FITM2: variants seen among roughly 807,000 people sequenced by gnomAD.
FITM2 encodes acyl-coenzyme A diphosphatase FITM2.
In FITM2, 16 loss-of-function variants were observed where a neutral mutation model predicts 23.3. The observed-to-expected ratio is 0.69, with a 90% CI of 0.47 to 1.05. The LOEUF (loss-of-function observed/expected upper bound fraction) is 1.05, where lower values mean the gene tolerates loss of function less well. FITM2 is among the 50% of genes least tolerant of loss of function. The pLI is 0.00. For synonymous variants in FITM2, 132 were observed against 142.0 expected (o/e 0.93, Z 0.50); for missense variants, 273 against 327.5 (o/e 0.83, Z 1.29).
chr20:44,306,433 G>T lies in FITM2; in HGVS notation c.*192C>A, dbSNP rs975444903. On this transcript the variant is annotated 3_prime_UTR_variant, in exon 2 of 2. Transcript: ENST00000396825. The stretch of plus-strand genomic sequence containing the variant: ...TGCCTAACTGGGAATGGTGGTGCTT[G>T]CAACACTGGTGATGTCGCCAAGAAT... 3 of 653,264 alleles carry T rather than the reference G, an allele frequency of 4.6e-6. No homozygotes were observed. Among genetic ancestry groups the T allele is most frequent in the Non-Finnish European group, 7.4e-6 (3 of 405,106 alleles). 40.5% of individuals were successfully genotyped at this position (653,264 alleles called of 1,614,324 possible). A position where few individuals can be genotyped will look rare whatever the true frequency, so the allele number is the denominator to read the frequency against.
In FITM2 at chr20:44,311,126, T is replaced by C; in HGVS notation, c.23A>G (p.Glu8Gly). Residue 8 changes from glutamate to glycine, a missense_variant, in exon 1 of 2, where the codon GAG (glutamate) becomes GGG (glycine). Glu to Gly is a moderately conservative substitution (Grantham distance 98). Around this residue, in one of 3 missense-constraint regions of FITM2, gnomAD observed 123 missense variants for 117.9 expected, o/e 1.04. Transcript: ENST00000396825. MEHLERC[E>G]WLLRGTLVRA... ...CACCAGCGTCCCCCGCAACAACCAC[T>C]CGCAGCGCTCCAGATGCTCCATGCC... is the stretch of plus-strand genomic sequence containing the variant. 6.2e-7 allele frequency: 1 copy of C among 1,612,508 alleles called. No homozygotes were observed. Among genetic ancestry groups the C allele is most frequent in the Admixed American group, 1.7e-5 (1 of 59,902 alleles).
At position 44,306,612 on chromosome 20, in the gene FITM2, C is replaced by T. The variant is rs759346607; in HGVS notation, c.*13G>A. On this transcript the variant is annotated 3_prime_UTR_variant, in exon 2 of 2. Coordinates refer to ENST00000396825, the MANE Select transcript of FITM2 (RefSeq NM_001080472.4). Reference sequence around the variant, plus strand: ...ATTAGCCATTGTCCTTCTGTCCCCCCTCTGTTACTCTTTTATTTCTTGTAA... The same window carrying T: ...ATTAGCCATTGTCCTTCTGTCCCCCTTCTGTTACTCTTTTATTTCTTGTAA... 1.9e-6 allele frequency: 3 copies of T among 1,608,604 alleles called. No homozygotes were observed. Among genetic ancestry groups the T allele is most frequent in the Non-Finnish European group, 2.6e-6 (3 of 1,175,996 alleles).
At chr20:44,310,937 G>A (rs2062703190) in intron 1 of FITM2, 39 bp downstream of exon 1, 3 of 1,508,286 alleles carry the variant, frequency 2.0e-6, no homozygotes, top group South Asian at 1.3e-5. Flanking sequence ...ACAGCGGGCC[G>A]GCTCGGGCGG....
At chr20:44,307,416 T>C (rs929552965) in intron 1 of FITM2, among the ~76,000 whole-genome samples, 176 bp from the exon 2 acceptor site, 26 of 151,746 alleles carry the variant, frequency 1.7e-4, no homozygotes, top group African/African-American at 6.3e-4. Flanking sequence ...ACTAAGTACT[T>C]TATTTATTTA....
At chr20:44,310,135 T>C (rs901271877) in intron 1 of FITM2, among the ~76,000 whole-genome samples, 2 of 152,204 alleles carry the variant, frequency 1.3e-5, no homozygotes, top group South Asian at 4.1e-4. Context: ...ATAACCAAAG[T>C]TGGGCTGACT....
intron 1 of FITM2, among the ~76,000 whole-genome samples, chr20:44,309,619 C>T (rs1465912070): frequency 2.0e-5 from 3 of 152,230 alleles, no homozygotes; most frequent in Non-Finnish European, 4.4e-5. Flanking sequence ...TTCCAGGCCT[C>T]AGTTTCTTCA....
At position 44,305,627 on chromosome 20, in the gene FITM2, A is replaced by G. The variant is rs2146088780; in HGVS notation, c.*998T>C. The G allele has an allele frequency of 6.6e-6, 1 of 152,208 alleles. No individual in the cohort carries two copies. The highest frequency in any genetic ancestry group is 1.5e-5 in the Non-Finnish European group (1 of 68,038). 9.4% of individuals were successfully genotyped at this position (152,208 alleles called of 1,614,324 possible). On this transcript the variant is annotated 3_prime_UTR_variant, in exon 2 of 2. Coordinates refer to ENST00000396825, the MANE Select transcript of FITM2 (RefSeq NM_001080472.4). Reference sequence around the variant, plus strand: ...CACCTGCGGTCAGGAGTTTGAGACCAGCCTGACCAACATGGAGAAACCCCA... The same window carrying G: ...CACCTGCGGTCAGGAGTTTGAGACCGGCCTGACCAACATGGAGAAACCCCA...
At chr20:44,308,019 G>C (rs1264978044) in intron 1 of FITM2, among the ~76,000 whole-genome samples, 1 of 152,104 alleles carries the variant, frequency 6.6e-6, no homozygotes, top group South Asian at 2.1e-4. Flanking sequence ...CCCGGGAGGC[G>C]GAGCTTGCAG....
At chr20:44,309,440 A>G (rs949696874) in intron 1 of FITM2, among the ~76,000 whole-genome samples, 1 of 152,136 alleles carries the variant, frequency 6.6e-6, no homozygotes, top group African/African-American at 2.4e-5. Flanking sequence ...TTGGCCTCCC[A>G]AAGTGCCTGG....
Position 44,306,949 on chromosome 20 carries a change from G to A in FITM2, c.465C>T (p.His155=). 6 of 1,614,232 alleles carry A rather than the reference G, an allele frequency of 3.7e-6. No individual in the cohort carries two copies. In the Middle Eastern group the frequency reaches 4.9e-4, roughly 133 times the overall value. Residue 155 remains histidine (H), a synonymous_variant, in exon 2 of 2, where the codon CAC becomes CAT. Coordinates refer to ENST00000396825, the MANE Select transcript of FITM2 (RefSeq NM_001080472.4). ...GFWHGFDISG[H]SFLLTFCALM... is the part of the protein sequence containing the mutation. ...GGGCGCAGAAGGTCAGCAGGAAGGAGTGACCTGAGATGTCAAAGCCATGCC... is the reference window on the plus strand; with the variant it reads ...GGGCGCAGAAGGTCAGCAGGAAGGAATGACCTGAGATGTCAAAGCCATGCC...
In FITM2 at chr20:44,304,997, A is replaced by C. The variant is rs1239878997; in HGVS notation, c.*1628T>G. 1 of 152,202 alleles carries C rather than the reference A, an allele frequency of 6.6e-6. No individual in the cohort carries two copies. Among genetic ancestry groups the C allele is most frequent in the East Asian group, 1.9e-4 (1 of 5,192 alleles). 9.4% of individuals were successfully genotyped at this position (152,202 alleles called of 1,614,324 possible). A position where few individuals can be genotyped will look rare whatever the true frequency, so the allele number is the denominator to read the frequency against. On this transcript the variant is annotated 3_prime_UTR_variant, in exon 2 of 2. Coordinates refer to ENST00000396825, the MANE Select transcript of FITM2 (RefSeq NM_001080472.4). ...CTCAGCCTCCCAAAGTGCCAGGATT[A>C]TAGGTGTGAGCCACTACACCTGGCC...
chr20:44,304,161 T>C lies in FITM2; in HGVS notation c.*2464A>G, dbSNP rs1221033419. 2 of 152,194 alleles carry C rather than the reference T, an allele frequency of 1.3e-5. No homozygotes were observed. Among genetic ancestry groups the C allele is most frequent in the African/African-American group, 4.8e-5 (2 of 41,444 alleles). The allele number at this position is 152,194 out of a possible 1,614,324, so 9.4% of individuals were successfully genotyped here. A position where few individuals can be genotyped will look rare whatever the true frequency, so the allele number is the denominator to read the frequency against. On this transcript the variant is annotated 3_prime_UTR_variant, in exon 2 of 2. Transcript: ENST00000396825. ...GATATGAAATATTTAAAATATATCC[T>C]TATAGTAAAAGATTTTACACCGAAG... is the stretch of plus-strand genomic sequence containing the variant.
intron 1 of FITM2, among the ~76,000 whole-genome samples, chr20:44,308,366 T>TTC (rs2062696342): frequency 2.0e-5 from 3 of 152,128 alleles, no homozygotes; most frequent in Admixed American, 6.6e-5. Flanking sequence ...ACATTTACCC[T>TTC]GGGAGGAAGG....
In FITM2 at chr20:44,303,955, T is replaced by A. The variant is rs1433172405; in HGVS notation, c.*2670A>T. On this transcript the variant is annotated 3_prime_UTR_variant, in exon 2 of 2. Coordinates refer to ENST00000396825, the MANE Select transcript of FITM2 (RefSeq NM_001080472.4). The stretch of plus-strand genomic sequence containing the variant: ...ATCCCTTCAACAAGCCCCTGCCATC[T>A]ACTCCATGGCCACTCCCACCACTGG... 1.3e-5 allele frequency: 2 copies of A among 152,224 alleles called. No homozygotes were observed. The highest frequency in any genetic ancestry group is 2.9e-5 in the Non-Finnish European group (2 of 68,120). The allele number at this position is 152,224 out of a possible 1,614,324, so 9.4% of individuals were successfully genotyped here. A position where few individuals can be genotyped will look rare whatever the true frequency, so the allele number is the denominator to read the frequency against.
intron 1 of FITM2, among the ~76,000 whole-genome samples, chr20:44,309,709 A>G (rs918132970): frequency 6.6e-6 from 1 of 152,152 alleles, no homozygotes; most frequent in Non-Finnish European, 1.5e-5. Context: ...CCCTCTCATT[A>G]ATCAGCACAG....
At chr20:44,310,919 G>C (rs2062703118) in intron 1 of FITM2, 57 bp downstream of exon 1, 1 of 1,494,788 alleles carries the variant, frequency 6.7e-7, no homozygotes, top group South Asian at 1.3e-5. Context: ...GCTTCTCTGG[G>C]CGAGGCGACA....
Position 44,307,066 on chromosome 20 carries a change from G to A in FITM2, c.348C>T (p.His116=). 1 of 1,614,228 alleles carries A rather than the reference G, an allele frequency of 6.2e-7. No individual in the cohort carries two copies. Among genetic ancestry groups the A allele is most frequent in the Non-Finnish European group, 8.5e-7 (1 of 1,180,044 alleles). ...ICTSIFSNIE[H]YTGSCYQSPA... Reference sequence around the variant, plus strand: ...GGGACTGGTAGCAGCTGCCCGTGTAGTGTTCGATGTTGGAGAAGATGGAGG... The same window carrying A: ...GGGACTGGTAGCAGCTGCCCGTGTAATGTTCGATGTTGGAGAAGATGGAGG... Residue 116 remains histidine (H), a synonymous_variant, in exon 2 of 2, where the codon CAC becomes CAT. Transcript: ENST00000396825.
Position 44,304,882 on chromosome 20 carries a change from G to A in FITM2, c.*1743C>T, listed in dbSNP as rs2062685513. On this transcript the variant is annotated 3_prime_UTR_variant, in exon 2 of 2. Coordinates refer to ENST00000396825, the MANE Select transcript of FITM2 (RefSeq NM_001080472.4). ...CTGTTACTAAAATGCCTGCTTTCTG[G>A]TTTGATTATCTTATTTATTTATAGA... 6.6e-6 allele frequency: 1 copy of A among 152,066 alleles called. No individual in the cohort carries two copies. The highest frequency in any genetic ancestry group is 1.5e-5 in the Non-Finnish European group (1 of 68,006). 9.4% of individuals were successfully genotyped at this position (152,066 alleles called of 1,614,324 possible). A position where few individuals can be genotyped will look rare whatever the true frequency, so the allele number is the denominator to read the frequency against.
intron 1 of FITM2, 76 bp from the exon 2 acceptor site, chr20:44,307,316 C>T (rs1478994230): frequency 1.9e-6 from 3 of 1,550,000 alleles, no homozygotes; most frequent in Non-Finnish European, 8.7e-7. Context: ...CAGGTCTCTA[C>T]ACTGTCAGGG....
Sources: allele counts gnomAD v4.1 joint callset (sites outside exome capture counted in the v4.1 genomes callset), GRCh38; gene constraint gnomAD v4.1.1; regional missense constraint gnomAD v4.1.1; transcripts MANE v1.5; gene names NCBI Gene and HGNC (gene_info 2026-07-23, HGNC 2026-07-21).